Variants in HS3ST4 observed in about 807,000 individuals in gnomAD.
HS3ST4 encodes the protein heparan sulfate glucosamine 3-O-sulfotransferase 4.
In HS3ST4, 17 loss-of-function variants were observed where a neutral mutation model predicts 29.2. That is an observed-to-expected ratio of 0.58 (90% CI 0.40 to 0.87). HS3ST4 has a LOEUF of 0.87. Ranked by LOEUF, HS3ST4 falls within the 40% of genes least tolerant of loss-of-function variation. The pLI is 0.00. For synonymous variants in HS3ST4, 314 were observed against 285.7 expected (o/e 1.10, Z -1.00); for missense variants, 627 against 634.5 (o/e 0.99, Z 0.13).
At chr16:25,843,263 A>G (rs1472721590) in intron 1 of HS3ST4, among the ~76,000 whole-genome samples, 1 of 152,168 alleles carries the variant, frequency 6.6e-6, no homozygotes, top group Non-Finnish European at 1.5e-5. Context: ...CAGACAGACG[A>G]TGCTATCAAC....
chr16:25,908,666 A>G (rs1481680412), intron 1 of HS3ST4, among the ~76,000 whole-genome samples: 1 of 151,352 alleles, frequency 6.6e-6, no homozygotes, highest in Non-Finnish European at 1.5e-5. Context: ...GATAGCTGTG[A>G]GTGTCCAGTG....
intron 1 of HS3ST4, among the ~76,000 whole-genome samples, chr16:25,754,335 C>T (rs796488556): frequency 2.5e-4 from 38 of 151,596 alleles, no homozygotes; most frequent in African/African-American, 9.2e-4. Context: ...CACCCACCCA[C>T]CCATCCATTC....
rs541178096 is a variant in HS3ST4, at chr16:25,703,972, A to T, written c.734+10821A>T. 9.2e-5 allele frequency among the ~76,000 whole-genome samples: 14 copies of T among 152,278 alleles called. 1 individual carries two copies. In the South Asian group the frequency reaches 2.9e-3, roughly 32 times the overall value. On this transcript the variant is annotated intron_variant, in intron 1 of 1. Transcript: ENST00000331351. ...CTCTCCAAAGTTATCCTCATTACTT[A>T]TCTCCCCCTCACTAGAAGGTAAACT...
chr16:26,039,865 A>C (rs1823301548), intron 1 of HS3ST4, among the ~76,000 whole-genome samples: 2 of 152,120 alleles, frequency 1.3e-5, no homozygotes, highest in Admixed American at 1.3e-4. Flanking sequence ...AATTACATAG[A>C]ATTGCATGGC....
rs1898448843 is a variant in HS3ST4, at chr16:26,059,388, C to G, written c.735-76224C>G. Among the ~76,000 whole-genome samples the G allele has an allele frequency of 2.6e-5, 4 of 151,924 alleles. No homozygotes were observed. In the South Asian group the frequency reaches 8.3e-4, roughly 32 times the overall value. ...ATGTGATTTGCTTACAGAAATTCAC[C>G]AAGCCAGAAAAGGCAAAACCATTTC... On this transcript the variant is annotated intron_variant, in intron 1 of 1. Transcript: ENST00000331351.
At chr16:25,928,962 T>G (rs1968437318) in intron 1 of HS3ST4, among the ~76,000 whole-genome samples, 1 of 152,144 alleles carries the variant, frequency 6.6e-6, no homozygotes, top group Admixed American at 6.5e-5. Flanking sequence ...TTTAGAGAAC[T>G]GTAAGTAATT....
intron 1 of HS3ST4, among the ~76,000 whole-genome samples, chr16:25,933,911 A>G (rs1260002726): frequency 1.3e-5 from 2 of 152,202 alleles, no homozygotes; most frequent in African/African-American, 4.8e-5. Context: ...CCACCCCCAT[A>G]ACTCAAACAC....
chr16:25,724,008 G>A (rs886613537), intron 1 of HS3ST4, among the ~76,000 whole-genome samples: 11 of 151,392 alleles, frequency 7.3e-5, no homozygotes, highest in Non-Finnish European at 1.5e-4. Context: ...TAGCTACTCA[G>A]GAGGCTGAGG....
intron 1 of HS3ST4, among the ~76,000 whole-genome samples, chr16:25,997,610 C>T (rs1969168693): frequency 6.6e-6 from 1 of 152,130 alleles, no homozygotes; most frequent in Non-Finnish European, 1.5e-5. Context: ...CTAGATTTAC[C>T]ATCTATCAAC....
rs551366972 is a variant in HS3ST4, at chr16:25,938,421, T to C, written c.735-197191T>C. Among the ~76,000 whole-genome samples, 4 of 152,306 alleles carry C rather than the reference T, an allele frequency of 2.6e-5. No homozygotes were observed. In the South Asian group the frequency reaches 8.3e-4, roughly 32 times the overall value. On this transcript the variant is annotated intron_variant, in intron 1 of 1. Transcript: ENST00000331351. ...TTTAGGAAAAAAATAAGTGTGCATC[T>C]TCTGCCAGGGATCCATGCATCTGTG...
intron 1 of HS3ST4, among the ~76,000 whole-genome samples, chr16:25,959,925 A>G (rs985491069): frequency 3.3e-5 from 5 of 152,056 alleles, no homozygotes; most frequent in African/African-American, 9.7e-5. Flanking sequence ...ACCTGAGGTC[A>G]GGAGTTCCAG....
chr16:25,983,259 C>T (rs1017844784), intron 1 of HS3ST4, among the ~76,000 whole-genome samples: 2 of 152,112 alleles, frequency 1.3e-5, no homozygotes, highest in Non-Finnish European at 2.9e-5. Context: ...TTCACTCTTG[C>T]CTAAGTGTGT....
At chr16:25,724,669 CT>C (rs1026443941) in intron 1 of HS3ST4, among the ~76,000 whole-genome samples, 10 of 152,000 alleles carry the variant, frequency 6.6e-5, no homozygotes, top group South Asian at 4.2e-4. Flanking sequence ...GCCCCCTCAA[CT>C]TTTTTTTAAA....
At chr16:25,713,811 A>G (rs2141586096) in intron 1 of HS3ST4, among the ~76,000 whole-genome samples, 1 of 152,270 alleles carries the variant, frequency 6.6e-6, no homozygotes, top group South Asian at 2.1e-4. Flanking sequence ...ATAACACAGA[A>G]CAAATACTGT....
At chr16:25,887,188 G>C (rs565889646) in intron 1 of HS3ST4, among the ~76,000 whole-genome samples, 2 of 152,298 alleles carry the variant, frequency 1.3e-5, no homozygotes, top group Non-Finnish European at 2.9e-5. Flanking sequence ...ACAGAAAGCT[G>C]ATGGGGAATT....
chr16:25,955,940 A>T (rs1349545850), intron 1 of HS3ST4, among the ~76,000 whole-genome samples: 1 of 151,508 alleles, frequency 6.6e-6, no homozygotes, highest in East Asian at 1.9e-4. Flanking sequence ...TCAGCCTCCC[A>T]AGTAGCTGGG....
At chr16:25,913,141 G>A (rs1368724849) in intron 1 of HS3ST4, among the ~76,000 whole-genome samples, 3 of 152,230 alleles carry the variant, frequency 2.0e-5, no homozygotes, top group Admixed American at 6.5e-5. Context: ...TTCTGATGGG[G>A]TTGGTCCAGG....
intron 1 of HS3ST4, among the ~76,000 whole-genome samples, chr16:25,919,226 T>G (rs1038877113): frequency 6.6e-6 from 1 of 152,106 alleles, no homozygotes; most frequent in Non-Finnish European, 1.5e-5. Flanking sequence ...AGGCAAGGTC[T>G]TGCTAAGTTG....
At chr16:26,041,521 G>T (rs978015590) in intron 1 of HS3ST4, among the ~76,000 whole-genome samples, 1 of 152,110 alleles carries the variant, frequency 6.6e-6, no homozygotes, top group Admixed American at 6.5e-5. Context: ...CTGAAATCCT[G>T]TAGGTGATTC....
Sources: allele counts gnomAD v4.1 joint callset (sites outside exome capture counted in the v4.1 genomes callset), GRCh38; gene constraint gnomAD v4.1.1; transcripts MANE v1.5; gene names NCBI Gene and HGNC (gene_info 2026-07-23, HGNC 2026-07-21).